Variants in MTUS2 observed in about 807,000 individuals in gnomAD.
The protein encoded by MTUS2 is microtubule-associated tumor suppressor candidate 2.
Under a neutral mutation model 114.1 loss-of-function variants are expected in MTUS2, and 40 were observed. The ratio of observed to expected loss-of-function variants is 0.35; its 90% confidence interval spans 0.27 to 0.46. The LOEUF is 0.46. Among genes scored for constraint, MTUS2 ranks in the 20% least tolerant of loss-of-function variants. MTUS2 has a pLI of 1.00. For synonymous variants in MTUS2, 688 were observed against 672.0 expected (o/e 1.02, Z -0.37); for missense variants, 1,679 against 1,705.4 (o/e 0.98, Z 0.27).
intron 1 of MTUS2, among the ~76,000 whole-genome samples, chr13:28,827,553 A>G (rs1356883736): frequency 6.6e-6 from 1 of 152,218 alleles, no homozygotes; most frequent in East Asian, 1.9e-4. Context: ...ATAACAATAA[A>G]AGCAGGAATG....
chr13:29,282,932 C>CCTT (rs1318815549), intron 6 of MTUS2, among the ~76,000 whole-genome samples: 2 of 152,132 alleles, frequency 1.3e-5, no homozygotes, highest in East Asian at 3.9e-4. Context: ...TTCAATCATT[C>CCTT]CTTCACTAGT....
At chr13:29,294,100 T>A (rs1898834463) in intron 6 of MTUS2, among the ~76,000 whole-genome samples, 1 of 152,114 alleles carries the variant, frequency 6.6e-6, no homozygotes, top group Non-Finnish European at 1.5e-5. Context: ...TAATTTGTTC[T>A]AAGGAAAGAG....
chr13:29,017,414 C>G (rs1247476572), intron 2 of MTUS2, among the ~76,000 whole-genome samples: 1 of 152,176 alleles, frequency 6.6e-6, no homozygotes, highest in Non-Finnish European at 1.5e-5. Context: ...TGAAAATTCA[C>G]AACTGATAAA....
At chr13:28,986,558 C>A (rs1884596938) in intron 2 of MTUS2, among the ~76,000 whole-genome samples, 3 of 152,180 alleles carry the variant, frequency 2.0e-5, no homozygotes, top group Admixed American at 1.3e-4. Context: ...TTCACCGTGT[C>A]CCCTGATGAA....
chr13:29,042,112 T>C (rs1471049769), intron 4 of MTUS2, among the ~76,000 whole-genome samples: 1 of 152,210 alleles, frequency 6.6e-6, no homozygotes, highest in African/African-American at 2.4e-5. Flanking sequence ...TTGTCATAGA[T>C]GGCTTTTATT....
chr13:29,374,452 A>T (rs9314953), intron 8 of MTUS2, among the ~76,000 whole-genome samples: 30,986 of 152,250 alleles, frequency 0.2, 3,257 homozygotes, highest in Middle Eastern at 0.25. Context: ...TCAAAGAAAA[A>T]TTACACATTA....
chr13:29,200,791 A>T (rs1168787775), intron 5 of MTUS2, among the ~76,000 whole-genome samples: 1 of 152,104 alleles, frequency 6.6e-6, no homozygotes, highest in African/African-American at 2.4e-5. Context: ...AAGTGCAGAG[A>T]TTACAAGCGT....
intron 9 of MTUS2, among the ~76,000 whole-genome samples, chr13:29,447,848 T>G (rs548899077): frequency 9.9e-5 from 15 of 152,248 alleles, no homozygotes; most frequent in African/African-American, 3.4e-4. Context: ...AATATTTGAT[T>G]TTTTAATCAC....
chr13:29,503,291 T>TGCGCACAGGGCCAGCTCC lies in MTUS2; in HGVS notation c.*86_*87insCGCACAGGGCCAGCTCCG. On this transcript the variant is annotated 3_prime_UTR_variant, in exon 16 of 16. Transcript: ENST00000612955. ...AGCACCGACCCGGTGCCGCCGGAGC[T>TGCGCACAGGGCCAGCTCC]GGCCCTGTGCGCATGCTCAGTAGCT... 6.7e-7 allele frequency: 1 copy of TGCGCACAGGGCCAGCTCC among 1,487,036 alleles called. No individual in the cohort carries two copies. The highest frequency in any genetic ancestry group is 9.2e-7 in the Non-Finnish European group (1 of 1,085,004). The allele number at this position is 1,487,036 out of a possible 1,614,324, so 92.1% of individuals were successfully genotyped here. A position where few individuals can be genotyped will look rare whatever the true frequency, so the allele number is the denominator to read the frequency against.
chr13:29,426,529 T>A (rs1566193730), intron 8 of MTUS2, among the ~76,000 whole-genome samples: 1 of 152,234 alleles, frequency 6.6e-6, no homozygotes, highest in Non-Finnish European at 1.5e-5. Flanking sequence ...AACAATTCCC[T>A]ACTTCTCCCT....
intron 9 of MTUS2, among the ~76,000 whole-genome samples, chr13:29,479,444 G>A (rs146052011): frequency 2.0e-5 from 3 of 152,274 alleles, no homozygotes; most frequent in Non-Finnish European, 4.4e-5. Context: ...GAGCGATGGT[G>A]GCCGCTGTCA....
chr13:29,408,516 C>T (rs964729630), intron 8 of MTUS2, among the ~76,000 whole-genome samples: 1 of 152,122 alleles, frequency 6.6e-6, no homozygotes. Flanking sequence ...TGAGGTCTTG[C>T]TGTGTTCTCC....
At chr13:28,846,822 G>A (rs1014218549) in intron 2 of MTUS2, among the ~76,000 whole-genome samples, 3 of 152,076 alleles carry the variant, frequency 2.0e-5, no homozygotes, top group Non-Finnish European at 2.9e-5. Flanking sequence ...TCCTAGCTCC[G>A]TCGCGATTTT....
At chr13:28,931,275 A>G (rs1330768866) in intron 2 of MTUS2, among the ~76,000 whole-genome samples, 2 of 152,214 alleles carry the variant, frequency 1.3e-5, no homozygotes, top group East Asian at 3.9e-4. Context: ...TGATAAAAAT[A>G]ATACAAATAA....
intron 5 of MTUS2, among the ~76,000 whole-genome samples, chr13:29,270,014 A>G (rs937629087): frequency 1.3e-5 from 2 of 152,152 alleles, no homozygotes; most frequent in Non-Finnish European, 2.9e-5. Context: ...TCAAACTCAT[A>G]GAAGCAGAGA....
chr13:29,227,258 C>CAAAAAAAA (rs10680419), intron 5 of MTUS2, among the ~76,000 whole-genome samples: 2 of 120,640 alleles, frequency 1.7e-5, no homozygotes, highest in African/African-American at 3.3e-5. Context: ...GACTCCGTCT[C>CAAAAAAAA]AAAAAAAAAA....
At chr13:29,291,188 G>A (rs775827763) in intron 6 of MTUS2, among the ~76,000 whole-genome samples, 4 of 152,048 alleles carry the variant, frequency 2.6e-5, no homozygotes, top group East Asian at 1.9e-4. Context: ...CCTGGTAGAG[G>A]CAGCTCACAG....
intron 2 of MTUS2, among the ~76,000 whole-genome samples, chr13:28,959,240 C>T (rs1281496225): frequency 5.3e-5 from 8 of 152,214 alleles, no homozygotes; most frequent in Non-Finnish European, 1.0e-4. Context: ...CTGAACACCA[C>T]GGAAAAAGTG....
chr13:29,146,647 A>C (rs1337924918), intron 5 of MTUS2, among the ~76,000 whole-genome samples: 7 of 152,210 alleles, frequency 4.6e-5, no homozygotes, highest in Non-Finnish European at 7.3e-5. Flanking sequence ...AGATAAATAA[A>C]TTATCCAACA....
Sources: allele counts gnomAD v4.1 joint callset (sites outside exome capture counted in the v4.1 genomes callset), GRCh38; gene constraint gnomAD v4.1.1; transcripts MANE v1.5; gene names NCBI Gene and HGNC (gene_info 2026-07-23, HGNC 2026-07-21).